Variants in THRB observed in about 807,000 individuals in gnomAD.
THRB encodes the protein thyroid hormone receptor beta.
Under a neutral mutation model 47.8 loss-of-function variants are expected in THRB, and 12 were observed. The ratio of observed to expected loss-of-function variants is 0.25; its 90% confidence interval spans 0.16 to 0.41. The LOEUF (loss-of-function observed/expected upper bound fraction) is 0.41. Among genes scored for constraint, THRB ranks in the 10% least tolerant of loss-of-function variants. The probability of loss-of-function intolerance (pLI) is 1.00; values close to 1 mark genes in which losing one functional copy is unlikely to be tolerated. For missense variants in THRB, 348 were observed against 589.2 expected (o/e 0.59, Z 4.24); for synonymous variants, 218 against 212.2 (o/e 1.03, Z -0.24).
chr3:24,358,006 T>C (rs2063805946), intron 1 of THRB, among the ~76,000 whole-genome samples: 1 of 152,192 alleles, frequency 6.6e-6, no homozygotes, highest in Non-Finnish European at 1.5e-5. Context: ...TTGACTAGAA[T>C]GGAAGCTCCA....
chr3:24,280,939 A>T (rs2054519652), intron 3 of THRB, among the ~76,000 whole-genome samples: 1 of 152,244 alleles, frequency 6.6e-6, no homozygotes. Context: ...GGACTATGTG[A>T]AAAGACCAAA....
intron 10 of THRB, among the ~76,000 whole-genome samples, chr3:24,124,568 A>C (rs1367650586): frequency 6.6e-6 from 1 of 152,224 alleles, no homozygotes; most frequent in African/African-American, 2.4e-5. Context: ...ATGATGCTTG[A>C]ATCACACTGA....
At chr3:24,309,199 C>G (rs950439647) in intron 2 of THRB, among the ~76,000 whole-genome samples, 1 of 152,102 alleles carries the variant, frequency 6.6e-6, no homozygotes, top group Non-Finnish European at 1.5e-5. Flanking sequence ...ATTTAAAATT[C>G]CAATATTTTT....
intron 3 of THRB, among the ~76,000 whole-genome samples, chr3:24,288,338 T>C (rs1342747599): frequency 1.3e-5 from 2 of 152,200 alleles, no homozygotes; most frequent in African/African-American, 4.8e-5. Flanking sequence ...ACCGTCTACA[T>C]CTGAACTATT....
chr3:24,362,789 A>G (rs1177396361), intron 1 of THRB, among the ~76,000 whole-genome samples: 4 of 152,198 alleles, frequency 2.6e-5, no homozygotes, highest in African/African-American at 9.6e-5. Flanking sequence ...AAGTTTAGAG[A>G]CATTATATTT....
chr3:24,250,454 T>C (rs2050550882), intron 3 of THRB, among the ~76,000 whole-genome samples: 1 of 152,302 alleles, frequency 6.6e-6, no homozygotes, highest in East Asian at 1.9e-4. Flanking sequence ...CCCAGCACTT[T>C]GGGAGGCTGA....
In THRB at chr3:24,146,762, CTTCATAT is replaced by C; in HGVS notation, c.438_444del (p.Tyr147GlufsTer5). On this transcript the variant is annotated frameshift_variant, in exon 7 of 11. Transcript: ENST00000646209. LOFTEE classifies it high-confidence loss of function. ...GTGACTTTGTCTATGACACATTTTC[CTTCATAT>C]TTACAGGAATAGGATGGATGGAGAT... 1 of 1,613,944 alleles carries C rather than the reference CTTCATAT, an allele frequency of 6.2e-7. No homozygotes were observed. The highest frequency in any genetic ancestry group is 8.5e-7 in the Non-Finnish European group (1 of 1,179,816).
chr3:24,366,014 C>T (rs1463435787), intron 1 of THRB, among the ~76,000 whole-genome samples: 1 of 152,108 alleles, frequency 6.6e-6, no homozygotes, highest in Non-Finnish European at 1.5e-5. Context: ...GGCTAAAATC[C>T]TGTGCATTTT....
chr3:24,332,007 G>T (rs529914057), intron 2 of THRB, among the ~76,000 whole-genome samples: 2 of 152,192 alleles, frequency 1.3e-5, no homozygotes, highest in East Asian at 3.9e-4. Flanking sequence ...AGGTGTCTCC[G>T]CAATGTTCCC....
At chr3:24,279,421 T>A (rs2054290023) in intron 3 of THRB, among the ~76,000 whole-genome samples, 1 of 151,944 alleles carries the variant, frequency 6.6e-6, no homozygotes, top group African/African-American at 2.4e-5. Context: ...CCTCATTCTG[T>A]CGCCCAGGCT....
At chr3:24,303,840 A>G (rs759386213) in intron 2 of THRB, among the ~76,000 whole-genome samples, 1 of 152,180 alleles carries the variant, frequency 6.6e-6, no homozygotes, top group Non-Finnish European at 1.5e-5. Context: ...CATTTCCTAC[A>G]TGTACTTTTA....
At chr3:24,173,371 C>G (rs1468735587) in intron 5 of THRB, among the ~76,000 whole-genome samples, 2 of 152,142 alleles carry the variant, frequency 1.3e-5, no homozygotes, top group Non-Finnish European at 2.9e-5. Context: ...TGTTTTAGGC[C>G]TAATTAGGCT....
intron 2 of THRB, among the ~76,000 whole-genome samples, chr3:24,332,527 G>C (rs1440855689): frequency 6.6e-6 from 1 of 152,138 alleles, no homozygotes; most frequent in Admixed American, 6.5e-5. Flanking sequence ...CTCTTCCAAA[G>C]AACAGGGGCT....
intron 8 of THRB, among the ~76,000 whole-genome samples, chr3:24,136,536 G>C (rs1189917613): frequency 1.3e-5 from 2 of 152,196 alleles, no homozygotes; most frequent in Non-Finnish European, 2.9e-5. Flanking sequence ...GTTAAAAATA[G>C]AGTATAAATA....
chr3:24,319,592 G>A (rs2149278136), intron 2 of THRB, among the ~76,000 whole-genome samples: 1 of 152,338 alleles, frequency 6.6e-6, no homozygotes, highest in East Asian at 1.9e-4. Flanking sequence ...AGAGGGGCAT[G>A]GGCAAACTTC....
intron 1 of THRB, among the ~76,000 whole-genome samples, chr3:24,376,431 G>A (rs1180131976): frequency 6.6e-6 from 1 of 152,130 alleles, no homozygotes; most frequent in East Asian, 1.9e-4. Flanking sequence ...TATTAGAGAG[G>A]AAGCTGCACA....
chr3:24,283,696 G>T (rs1251954085), intron 3 of THRB, among the ~76,000 whole-genome samples: 2 of 148,714 alleles, frequency 1.3e-5, no homozygotes, highest in Admixed American at 6.7e-5. Context: ...CATTGTCTCA[G>T]CCCAAAATCT....
intron 5 of THRB, among the ~76,000 whole-genome samples, chr3:24,169,528 T>C (rs1305430497): frequency 1.3e-5 from 2 of 152,038 alleles, no homozygotes; most frequent in Non-Finnish European, 2.9e-5. Flanking sequence ...AATAAACTTA[T>C]TTAGGTCACA....
rs1020635662 is a variant in THRB at position 24,359,504 on chromosome 3, G to C, written c.-260-22133C>G. Among the ~76,000 whole-genome samples the C allele has an allele frequency of 5.3e-5, 8 of 152,138 alleles. No homozygotes were observed. The East Asian group carries it at 1.5e-3, about 29-fold the overall frequency. Reference sequence around the variant, plus strand: ...AAGTCACAAGCCTGCCCAAATTCAAGGGGAGGGGATATAGACCTTTATCTC... The same window carrying C: ...AAGTCACAAGCCTGCCCAAATTCAACGGGAGGGGATATAGACCTTTATCTC... On this transcript the variant is annotated intron_variant, in intron 1 of 10. Transcript: ENST00000646209.
Sources: gnomAD v4.1 joint callset for allele counts (sites outside exome capture counted in the v4.1 genomes callset) on GRCh38, gnomAD v4.1.1 for gene constraint, MANE v1.5 for transcripts, NCBI Gene and HGNC (gene_info 2026-07-23, HGNC 2026-07-21) for gene names.